NRXN1: variants seen among roughly 807,000 people sequenced by gnomAD.
NRXN1 encodes neurexin-1.
In NRXN1, 39 loss-of-function variants were observed where a neutral mutation model predicts 150.9. The ratio of observed to expected loss-of-function variants is 0.26; its 90% CI spans 0.20 to 0.34. NRXN1 has a LOEUF of 0.34. Ranked by LOEUF, NRXN1 falls within the 10% of genes least tolerant of loss-of-function variation. The pLI is 1.00. For synonymous variants in NRXN1, 924 were observed against 757.0 expected (o/e 1.22, Z -3.62); for missense variants, 1,815 against 1,949.9 (o/e 0.93, Z 1.30).
At chr2:50,496,331 A>G (rs989311011) in intron 14 of NRXN1, among the ~76,000 whole-genome samples, 3 of 152,332 alleles carry the variant, frequency 2.0e-5, no homozygotes, top group Admixed American at 1.3e-4. Flanking sequence ...TTTTAAAATC[A>G]TGGTCTACAT....
chr2:50,722,022 C>T (rs1027023612), intron 5 of NRXN1, among the ~76,000 whole-genome samples: 6 of 152,060 alleles, frequency 3.9e-5, no homozygotes, highest in African/African-American at 1.4e-4. Context: ...TGAATTTCTT[C>T]TGCAGGAGGT....
At chr2:50,295,957 T>A (rs866989084) in intron 17 of NRXN1, among the ~76,000 whole-genome samples, 1 of 152,216 alleles carries the variant, frequency 6.6e-6, no homozygotes, top group African/African-American at 2.4e-5. Flanking sequence ...GTTTTTTGAA[T>A]AGAGCAGCAC....
At chr2:50,585,552 C>T (rs888683294) in intron 8 of NRXN1, among the ~76,000 whole-genome samples, 4 of 151,888 alleles carry the variant, frequency 2.6e-5, no homozygotes, top group African/African-American at 9.7e-5. Context: ...ATAATACATG[C>T]CCAACAGGAT....
rs112556426 is a variant in NRXN1 at position 50,195,577 on chromosome 2, G to GA, written c.3546+41211dup. On this transcript the variant is annotated intron_variant, in intron 18 of 22. Coordinates refer to ENST00000401669, the MANE Select transcript of NRXN1 (RefSeq NM_001330078.2). ...ATATTTACAAGTCTATTCATCATGG[G>GA]AAAAAATAATCTTACAAAGACAGCC... Among the ~76,000 whole-genome samples, 18 of 152,134 alleles carry GA rather than the reference G, an allele frequency of 1.2e-4. 1 individual carries two copies. The highest frequency in any genetic ancestry group is 4.1e-4 in the African/African-American group (17 of 41,520).
intron 21 of NRXN1, among the ~76,000 whole-genome samples, chr2:49,978,380 CTA>C (rs1679373556): frequency 6.6e-6 from 1 of 152,160 alleles, no homozygotes; most frequent in African/African-American, 2.4e-5. Context: ...CCCTTAGAAA[CTA>C]TGTCTGCAGT....
At chr2:50,898,953 A>G (rs778556566) in intron 5 of NRXN1, among the ~76,000 whole-genome samples, 2 of 151,972 alleles carry the variant, frequency 1.3e-5, no homozygotes, top group Non-Finnish European at 2.9e-5. Context: ...CAGATTAAAA[A>G]TTATTTCCTA....
At chr2:50,381,687 G>A (rs540501757) in intron 17 of NRXN1, among the ~76,000 whole-genome samples, 1 of 151,988 alleles carries the variant, frequency 6.6e-6, no homozygotes, top group Admixed American at 6.6e-5. Flanking sequence ...AAAAGTAATT[G>A]TGGTTTTTGC....
At chr2:50,698,554 T>A (rs1324595040) in intron 5 of NRXN1, among the ~76,000 whole-genome samples, 1 of 152,228 alleles carries the variant, frequency 6.6e-6, no homozygotes, top group Admixed American at 6.5e-5. Context: ...TTAATAAATA[T>A]ATAAATGTTT....
intron 5 of NRXN1, among the ~76,000 whole-genome samples, chr2:50,638,434 A>G (rs139374876): frequency 1.6e-3 from 244 of 152,340 alleles, no homozygotes; most frequent in African/African-American, 5.7e-3. Context: ...ACAATAAAAT[A>G]GACACATTAT....
At chr2:50,017,500 A>G (rs1258678023) in intron 21 of NRXN1, among the ~76,000 whole-genome samples, 1 of 152,194 alleles carries the variant, frequency 6.6e-6, no homozygotes. Flanking sequence ...GGTAAATCAC[A>G]ACAATGACAA....
chr2:50,926,897 A>G (rs1026906637), intron 2 of NRXN1, among the ~76,000 whole-genome samples: 3 of 152,066 alleles, frequency 2.0e-5, no homozygotes, highest in South Asian at 4.1e-4. Context: ...ATATAAATAT[A>G]TAAGGTTTAA....
At chr2:50,321,851 GA>G (rs2076061735) in intron 17 of NRXN1, among the ~76,000 whole-genome samples, 1 of 151,956 alleles carries the variant, frequency 6.6e-6, no homozygotes, top group Admixed American at 6.6e-5. Flanking sequence ...TAGTATCTAT[GA>G]AAATACTTAC....
At chr2:50,518,859 A>G (rs2092700131) in intron 12 of NRXN1, among the ~76,000 whole-genome samples, 1 of 151,940 alleles carries the variant, frequency 6.6e-6, no homozygotes, top group Non-Finnish European at 1.5e-5. Flanking sequence ...CATCCTCAGT[A>G]TTTTTGAGAT....
chr2:50,591,307 G>C (rs545758558), intron 8 of NRXN1, among the ~76,000 whole-genome samples: 2 of 151,998 alleles, frequency 1.3e-5, no homozygotes, highest in East Asian at 3.9e-4. Flanking sequence ...AGAGCTATTA[G>C]TATAAAGACT....
chr2:50,721,971 G>A (rs1696716993), intron 5 of NRXN1, among the ~76,000 whole-genome samples: 1 of 152,102 alleles, frequency 6.6e-6, no homozygotes, highest in Non-Finnish European at 1.5e-5. Context: ...CATTTCTCGG[G>A]AAATGTCCCT....
chr2:50,856,336 T>C (rs2106003589), intron 5 of NRXN1, among the ~76,000 whole-genome samples: 1 of 152,122 alleles, frequency 6.6e-6, no homozygotes, highest in Non-Finnish European at 1.5e-5. Context: ...ACACCCCTCC[T>C]AGCTTGAAAG....
chr2:50,814,969 A>G (rs1036038986), intron 5 of NRXN1, among the ~76,000 whole-genome samples: 3 of 152,150 alleles, frequency 2.0e-5, no homozygotes, highest in Non-Finnish European at 2.9e-5. Context: ...TAGAATAAGG[A>G]GCTATATAGA....
At chr2:50,446,734 G>A (rs1175053814) in intron 17 of NRXN1, among the ~76,000 whole-genome samples, 1 of 151,968 alleles carries the variant, frequency 6.6e-6, no homozygotes, top group African/African-American at 2.4e-5. Flanking sequence ...TAAAAGGGGA[G>A]ACACCTAACT....
chr2:50,329,615 GTGTATATATATATATATATATA>G (rs2076650482), intron 17 of NRXN1, among the ~76,000 whole-genome samples: 2 of 15,792 alleles, frequency 1.3e-4, no homozygotes, highest in African/African-American at 5.0e-4. Flanking sequence ...GTGTGTGTGT[GTGTATATATATATATATATATA>G]TATATATATA....
Sources: allele counts gnomAD v4.1 joint callset (sites outside exome capture counted in the v4.1 genomes callset), GRCh38; gene constraint gnomAD v4.1.1; transcripts MANE v1.5; gene names NCBI Gene and HGNC (gene_info 2026-07-23, HGNC 2026-07-21).